OPCML: variants seen among roughly 807,000 people sequenced by gnomAD.
The protein encoded by OPCML is opioid-binding protein/cell adhesion molecule.
In OPCML, 13 loss-of-function variants were observed where a neutral mutation model predicts 37.8. The observed-to-expected ratio is 0.34, with a 90% CI of 0.22 to 0.55. The LOEUF is 0.55. OPCML is among the 20% of genes least tolerant of loss of function. OPCML has a pLI of 0.91. For missense variants in OPCML, 341 were observed against 435.6 expected (o/e 0.78, Z 1.93); for synonymous variants, 176 against 168.8 (o/e 1.04, Z -0.33).
At chr11:133,263,215 C>T (rs976277121) in intron 1 of OPCML, among the ~76,000 whole-genome samples, 8 of 151,996 alleles carry the variant, frequency 5.3e-5, no homozygotes, top group Admixed American at 1.3e-4. Flanking sequence ...GAACTGTTTG[C>T]GGGGACTAAA....
intron 1 of OPCML, chr11:133,024,611 G>A: frequency 1.0e-6 from 1 of 962,154 alleles, no homozygotes; most frequent in Non-Finnish European, 1.2e-6. Flanking sequence ...ATTGCAACTT[G>A]CAAAACATGT....
At chr11:133,116,805 C>CATACATAT (rs1280351007) in intron 1 of OPCML, among the ~76,000 whole-genome samples, 41 of 144,190 alleles carry the variant, frequency 2.8e-4, no homozygotes, top group East Asian at 8.4e-4. Context: ...TAAAACTATA[C>CATACATAT]ATATATATAT....
intron 1 of OPCML, among the ~76,000 whole-genome samples, chr11:132,946,899 A>T (rs1253729920): frequency 6.6e-6 from 1 of 152,210 alleles, no homozygotes; most frequent in Non-Finnish European, 1.5e-5. Context: ...CTAGTCTAGT[A>T]TCACCAGACG....
At chr11:132,718,668 T>A (rs1438251487) in intron 2 of OPCML, among the ~76,000 whole-genome samples, 4 of 152,122 alleles carry the variant, frequency 2.6e-5, no homozygotes, top group African/African-American at 9.7e-5. Flanking sequence ...GACGTGTGCT[T>A]CTGGGGTCAT....
At chr11:132,762,944 T>C (rs1283029159) in intron 2 of OPCML, among the ~76,000 whole-genome samples, 1 of 152,138 alleles carries the variant, frequency 6.6e-6, no homozygotes, top group Non-Finnish European at 1.5e-5. Context: ...CCTGGTGGTG[T>C]AGGCACCTGA....
At chr11:133,151,891 A>G (rs1328193830) in intron 1 of OPCML, among the ~76,000 whole-genome samples, 2 of 152,214 alleles carry the variant, frequency 1.3e-5, no homozygotes, top group Non-Finnish European at 2.9e-5. Context: ...CTTCCATTCA[A>G]GACACCTGGG....
chr11:133,468,946 C>A (rs1318881977), intron 1 of OPCML, among the ~76,000 whole-genome samples: 1 of 152,116 alleles, frequency 6.6e-6, no homozygotes, highest in Non-Finnish European at 1.5e-5. Context: ...TAAGCACCAT[C>A]CCACAGGGAA....
chr11:133,266,505 A>G (rs1368025788), intron 1 of OPCML, among the ~76,000 whole-genome samples: 1 of 152,102 alleles, frequency 6.6e-6, no homozygotes, highest in East Asian at 1.9e-4. Context: ...TCATCATACC[A>G]TGTTGTTGTC....
At chr11:133,386,369 G>A (rs545810305) in intron 1 of OPCML, among the ~76,000 whole-genome samples, 266 of 152,296 alleles carry the variant, frequency 1.7e-3, no homozygotes, top group Middle Eastern at 3.4e-3. Context: ...TTCAAGAGCC[G>A]TTTGCTTATG....
chr11:133,206,302 G>A lies in OPCML; in HGVS notation c.62-263292C>T, dbSNP rs1246085274. On this transcript the variant is annotated intron_variant, in intron 1 of 7. Coordinates refer to ENST00000524381, the MANE Select transcript of OPCML (RefSeq NM_001012393.5). The surrounding 1 kb of genome is among the most constrained non-coding windows in gnomAD (Gnocchi z 4.7). ...AGCAGAACTCGCCATACTGAGGTCT[G>A]TTCCTGTTTCTCTTTCTTAGAGACA... is the stretch of plus-strand genomic sequence containing the variant. 6.6e-6 allele frequency among the ~76,000 whole-genome samples: 1 copy of A among 152,162 alleles called. No individual in the cohort carries two copies. Among genetic ancestry groups the A allele is most frequent in the Non-Finnish European group, 1.5e-5 (1 of 68,024 alleles).
intron 1 of OPCML, among the ~76,000 whole-genome samples, chr11:132,959,198 A>G (rs1291653159): frequency 1.3e-5 from 2 of 152,344 alleles, no homozygotes; most frequent in Non-Finnish European, 2.9e-5. Context: ...GAGGGGTTCA[A>G]GATTTCAGTG....
chr11:133,054,341 C>T (rs1365131755), intron 1 of OPCML, among the ~76,000 whole-genome samples: 1 of 152,192 alleles, frequency 6.6e-6, no homozygotes, highest in Admixed American at 6.5e-5. Flanking sequence ...GTGGCACCTG[C>T]ACCCTTTTCT....
In OPCML at chr11:133,177,627, G is replaced by A. The variant is rs1048729869; in HGVS notation, c.62-234617C>T. Among the ~76,000 whole-genome samples the A allele has an allele frequency of 9.2e-5, 14 of 152,078 alleles. No homozygotes were observed. Among genetic ancestry groups the A allele is most frequent in the Non-Finnish European group, 1.3e-4 (9 of 68,028 alleles). ...TCCAGTTCTGTACCCGACCCTGCCC[G>A]GACTGCCCCATGGTGCAATTCCCTC... On this transcript the variant is annotated intron_variant, in intron 1 of 7. Coordinates refer to ENST00000524381, the MANE Select transcript of OPCML (RefSeq NM_001012393.5). This position sits in a 1 kb window ranked among gnomAD's most constrained non-coding sequence, Gnocchi z 5.0.
At chr11:133,050,422 T>C (rs563534257) in intron 1 of OPCML, among the ~76,000 whole-genome samples, 8 of 152,278 alleles carry the variant, frequency 5.3e-5, no homozygotes, top group African/African-American at 1.9e-4. Flanking sequence ...TGGGTGTTCT[T>C]ATGGTTAAAG....
At chr11:133,513,027 C>A (rs748260680) in intron 1 of OPCML, among the ~76,000 whole-genome samples, 1 of 152,176 alleles carries the variant, frequency 6.6e-6, no homozygotes, top group Non-Finnish European at 1.5e-5. Context: ...CCTTTCAAGG[C>A]ATAAAGCTGA....
At chr11:133,458,574 C>CGTGTGTGTGTGTACACATATATACACGT (rs577466946) in intron 1 of OPCML, among the ~76,000 whole-genome samples, 8 of 85,822 alleles carry the variant, frequency 9.3e-5, no homozygotes, top group African/African-American at 3.7e-4. Flanking sequence ...CATATATACA[C>CGTGTGTGTGTGTACACATATATACACGT]GTGTGTGTAC....
In OPCML at chr11:133,361,098, C is replaced by A. The variant is rs1266069851; in HGVS notation, c.61+171166G>T. Reference sequence around the variant, plus strand: ...AGCCCCAAGGGACACTTCCTATGACCCCCCGCTTGTTGTAAAGGCCGGGGC... The same window carrying A: ...AGCCCCAAGGGACACTTCCTATGACACCCCGCTTGTTGTAAAGGCCGGGGC... On this transcript the variant is annotated intron_variant, in intron 1 of 7. Coordinates refer to ENST00000524381, the MANE Select transcript of OPCML (RefSeq NM_001012393.5). 2.0e-5 allele frequency: 3 copies of A among 152,528 alleles called. No homozygotes were observed. The East Asian group carries it at 5.8e-4, about 30-fold the overall frequency. The allele number at this position is 152,528 out of a possible 1,614,324, so 9.4% of individuals were successfully genotyped here.
chr11:133,432,136 T>G (rs1946134575), intron 1 of OPCML, among the ~76,000 whole-genome samples: 1 of 152,026 alleles, frequency 6.6e-6, no homozygotes, highest in African/African-American at 2.4e-5. Flanking sequence ...AAAAACCACC[T>G]GCAAGGTACT....
At position 133,088,696 on chromosome 11, in the gene OPCML, G is replaced by C. The variant is rs143231956; in HGVS notation, c.62-145686C>G. On this transcript the variant is annotated intron_variant, in intron 1 of 7. Transcript: ENST00000524381. ...CTTTCTGCAACAAGACTTTAAATGAGAGTGGAACAATAGAATTATACAAGA... is the reference window on the plus strand; with the variant it reads ...CTTTCTGCAACAAGACTTTAAATGACAGTGGAACAATAGAATTATACAAGA... 3.4e-3 allele frequency among the ~76,000 whole-genome samples: 513 copies of C among 152,256 alleles called. 14 individuals carry two copies. Among genetic ancestry groups the C allele is most frequent in the Non-Finnish European group, 1.1e-3 (76 of 68,022 alleles).
Sources: allele counts gnomAD v4.1 joint callset (sites outside exome capture counted in the v4.1 genomes callset), GRCh38; gene constraint gnomAD v4.1.1; non-coding constraint Gnocchi (gnomAD v3.1); transcripts MANE v1.5; gene names NCBI Gene and HGNC (gene_info 2026-07-23, HGNC 2026-07-21).